Variants in URB1 observed in about 807,000 individuals in gnomAD.
URB1 encodes the protein nucleolar pre-ribosomal-associated protein 1.
In URB1, 197 loss-of-function variants were observed where a neutral mutation model predicts 242.3. The ratio of observed to expected loss-of-function variants is 0.81; its 90% CI spans 0.72 to 0.91. The LOEUF is 0.91. URB1 is among the 40% of genes least tolerant of loss of function. The pLI is 0.00. For missense variants in URB1, 2,721 were observed against 2,860.5 expected (o/e 0.95, Z 1.11); for synonymous variants, 1,153 against 1,201.8 (o/e 0.96, Z 0.84).
chr21:32,320,866 C>G (rs1208395111), intron 34 of URB1, among the ~76,000 whole-genome samples: 1 of 152,216 alleles, frequency 6.6e-6, no homozygotes, highest in Non-Finnish European at 1.5e-5. Context: ...GCCCGGGGAT[C>G]CCCACTTCCG....
chr21:32,363,119 G>A (rs1002141504), intron 11 of URB1, 37 bp downstream of exon 11: 2 of 1,538,758 alleles, frequency 1.3e-6, no homozygotes, highest in Non-Finnish European at 1.8e-6. Flanking sequence ...ACCTGGTGAG[G>A]TCTGGAAGGA....
In URB1 at chr21:32,383,461, T is replaced by C; in HGVS notation, c.528A>G (p.Lys176=). Residue 176 remains lysine, a synonymous_variant, in exon 4 of 39, where the codon AAA becomes AAG. Transcript: ENST00000382751. ...TGGTCACCAGGGTGTACAGGGTCTT[T>C]TTATTCAAATCAAAATGGCTGCAGA... ...RDVCSHFDLN[K]KTLYTLVTKR... is the part of the protein sequence containing the mutation. 6 of 1,551,630 alleles carry C rather than the reference T, an allele frequency of 3.9e-6. No homozygotes were observed. The highest frequency in any genetic ancestry group is 5.2e-6 in the Non-Finnish European group (6 of 1,146,934).
At chr21:32,372,759 A>T in intron 7 of URB1, 128 bp from the exon 8 acceptor site, 1 of 1,058,142 alleles carries the variant, frequency 9.5e-7, no homozygotes, top group South Asian at 1.8e-5. Flanking sequence ...ACTTGGTGTC[A>T]TTCCAAACAA....
Position 32,311,299 on chromosome 21 carries a change from G to A in URB1, c.*3619C>T, listed in dbSNP as rs1371870673. The A allele has an allele frequency of 6.3e-5, 13 of 207,234 alleles. No homozygotes were observed. The East Asian group carries it at 7.1e-4, about 11-fold the overall frequency. The allele number at this position is 207,234 out of a possible 1,614,324, so 12.8% of individuals were successfully genotyped here. On this transcript the variant is annotated 3_prime_UTR_variant, in exon 39 of 39. Coordinates refer to ENST00000382751, the MANE Select transcript of URB1 (RefSeq NM_014825.3). ...TACAATTCAAGGTGAGATTTGTGTC[G>A]TGACGCAGCCAAACCATATCACCAA... is the stretch of plus-strand genomic sequence containing the variant.
Position 32,349,319 on chromosome 21 carries a change from C to A in URB1, c.2997G>T (p.Glu999Asp). 2 of 1,545,296 alleles carry A rather than the reference C, an allele frequency of 1.3e-6. No homozygotes were observed. The highest frequency in any genetic ancestry group is 1.7e-6 in the Non-Finnish European group (2 of 1,143,916). Reference protein sequence around the residue: ...FLDMESVASLELANDQTLEEV... With the variant: ...FLDMESVASLDLANDQTLEEV... ...GTGGCGGTACCTGATCATTGGCCAA[C>A]TCCAGCGAGGCCACGGACTCCATGT... is the stretch of plus-strand genomic sequence containing the variant. The change falls in exon 21 of 39, where the codon GAG becomes GAT. Residue 999 changes from glutamate (E) to aspartate (D), a missense_variant. Physicochemically the swap from Glu to Asp is conservative, Grantham distance 45. Coordinates refer to ENST00000382751, the MANE Select transcript of URB1 (RefSeq NM_014825.3).
intron 5 of URB1, among the ~76,000 whole-genome samples, chr21:32,378,082 G>A (rs1328864700): frequency 2.0e-5 from 3 of 152,174 alleles, no homozygotes; most frequent in Non-Finnish European, 2.9e-5. Context: ...TTTTTAAAAC[G>A]ACATCTCCCA....
chr21:32,359,042 G>C (rs530724231), intron 14 of URB1, among the ~76,000 whole-genome samples: 10 of 152,306 alleles, frequency 6.6e-5, no homozygotes, highest in Non-Finnish European at 1.3e-4. Context: ...TCGAGGGAGA[G>C]ACACATAGTC....
chr21:32,316,633 AG>A lies in URB1; in HGVS notation c.6466del (p.Leu2156SerfsTer48). On this transcript the variant is annotated frameshift_variant, in exon 38 of 39. Coordinates refer to ENST00000382751, the MANE Select transcript of URB1 (RefSeq NM_014825.3). LOFTEE classifies it high-confidence loss of function. ...CCCTGCCAGCCCCTCAGCCCCACAG[AG>A]CCGGCTATACAGCCTGAATATGCTG... is the stretch of plus-strand genomic sequence containing the variant. ...RSSIFRLYSR[L>X]CGAEGLAGPV... is the part of the protein sequence containing the mutation. The A allele has an allele frequency of 6.4e-7, 1 of 1,551,590 alleles. No individual in the cohort carries two copies. Among genetic ancestry groups the A allele is most frequent in the Non-Finnish European group, 8.7e-7 (1 of 1,146,984 alleles).
rs1355200791 is a variant in URB1, at chr21:32,347,209, C to T, written c.3615G>A (p.Gln1205=). Residue 1205 remains glutamine, a synonymous_variant, in exon 22 of 39, where the codon CAG becomes CAA. Coordinates refer to ENST00000382751, the MANE Select transcript of URB1 (RefSeq NM_014825.3). ...ELDTVLLHTL[Q]RDPVLAPAVG... ...CTGCGGGGGCCAGCACAGGGTCTCTCTGCAGAGTGTGGAGGAGCACTGTGT... is the reference window on the plus strand; with the variant it reads ...CTGCGGGGGCCAGCACAGGGTCTCTTTGCAGAGTGTGGAGGAGCACTGTGT... 6.4e-7 allele frequency: 1 copy of T among 1,550,394 alleles called. No individual in the cohort carries two copies. The highest frequency in any genetic ancestry group is 1.4e-5 in the African/African-American group (1 of 73,064).
intron 1 of URB1, among the ~76,000 whole-genome samples, chr21:32,392,168 C>T (rs1211923866): frequency 6.6e-6 from 1 of 152,182 alleles, no homozygotes; most frequent in South Asian, 2.1e-4. Flanking sequence ...TTGCGTTTTT[C>T]CCAAACCATG....
intron 24 of URB1, 41 bp downstream of exon 24, chr21:32,344,529 C>T: frequency 6.5e-7 from 1 of 1,542,094 alleles, no homozygotes. Context: ...ATACTCTTTC[C>T]CACAGAAATT....
At chr21:32,322,840 G>A (rs1212863423) in intron 32 of URB1, among the ~76,000 whole-genome samples, 1 of 152,090 alleles carries the variant, frequency 6.6e-6, no homozygotes, top group Non-Finnish European at 1.5e-5. Flanking sequence ...CGCACCCTCC[G>A]CCTCCCCAGC....
At chr21:32,359,423 T>C (rs958826570) in intron 14 of URB1, among the ~76,000 whole-genome samples, 51 of 152,368 alleles carry the variant, frequency 3.3e-4, no homozygotes, top group African/African-American at 1.2e-3. Flanking sequence ...CTTGGTTATC[T>C]ATTCTCATCT....
chr21:32,333,694 G>C (rs908645448), intron 29 of URB1, among the ~76,000 whole-genome samples: 19 of 152,248 alleles, frequency 1.2e-4, no homozygotes, highest in African/African-American at 4.3e-4. Flanking sequence ...CTGACCCTCA[G>C]GAAAGCAAAG....
At chr21:32,337,586 C>T in intron 26 of URB1, 72 bp from the exon 27 acceptor site, 1 of 1,292,064 alleles carries the variant, frequency 7.7e-7, no homozygotes, top group Non-Finnish European at 1.1e-6. Flanking sequence ...AGGAGAGAGC[C>T]TTCCAGGCAA....
chr21:32,362,997 C>G (rs1277416946), intron 11 of URB1, among the ~76,000 whole-genome samples, 159 bp downstream of exon 11: 1 of 152,204 alleles, frequency 6.6e-6, no homozygotes, highest in East Asian at 1.9e-4. Flanking sequence ...CAGGTCTTCT[C>G]AGCTGACCCT....
In URB1 at chr21:32,385,573, AG is replaced by A. The variant is rs1282748034; in HGVS notation, c.253del (p.Leu85Ter). On this transcript the variant is annotated frameshift_variant, in exon 2 of 39. Coordinates refer to ENST00000382751, the MANE Select transcript of URB1 (RefSeq NM_014825.3). LOFTEE classifies it high-confidence loss of function. Reference protein sequence around the residue: ...SVECVEIFQLLSGEKRPESET... With the variant: ...SVECVEIFQLXSGEKRPESET... Reference sequence around the variant, plus strand: ...ACTTTCAGGTCGTTTCTCTCCACTTAGGAGCTGGAAAATTTCGACACACTCA... The same window carrying A: ...ACTTTCAGGTCGTTTCTCTCCACTTAGAGCTGGAAAATTTCGACACACTCA... 4.5e-6 allele frequency: 7 copies of A among 1,552,134 alleles called. No individual in the cohort carries two copies. The highest frequency in any genetic ancestry group is 2.0e-5 in the Admixed American group (1 of 51,006).
Position 32,312,582 on chromosome 21 carries a change from C to G in URB1, c.*2336G>C, listed in dbSNP as rs1344588168. The G allele has an allele frequency of 2.4e-5, 4 of 164,556 alleles. No individual in the cohort carries two copies. The highest frequency in any genetic ancestry group is 2.2e-4 in the Admixed American group (4 of 17,918). 10.2% of individuals were successfully genotyped at this position (164,556 alleles called of 1,614,324 possible). On this transcript the variant is annotated 3_prime_UTR_variant, in exon 39 of 39. Coordinates refer to ENST00000382751, the MANE Select transcript of URB1 (RefSeq NM_014825.3). The stretch of plus-strand genomic sequence containing the variant: ...GCAGGCAGCCAACGCCTGTCAGCAG[C>G]CAGGCCGGGTAAGCAGGATCTATGC...
intron 30 of URB1, among the ~76,000 whole-genome samples, chr21:32,330,712 A>C (rs1485970799): frequency 6.6e-6 from 1 of 152,250 alleles, no homozygotes; most frequent in Admixed American, 6.5e-5. Context: ...AGGGGAAATC[A>C]GAAGAGCTTC....
Sources: gnomAD v4.1 joint callset for allele counts (sites outside exome capture counted in the v4.1 genomes callset) on GRCh38, gnomAD v4.1.1 for gene constraint, MANE v1.5 for transcripts, NCBI Gene and HGNC (gene_info 2026-07-23, HGNC 2026-07-21) for gene names.